PREP: variants seen among roughly 807,000 people sequenced by gnomAD.
PREP encodes dJ355L5.1 (prolyl endopeptidase).
A neutral mutation model predicts 87.6 loss-of-function variants in PREP; 29 were observed. The ratio of observed to expected loss-of-function variants is 0.33; its 90% CI spans 0.25 to 0.45. The LOEUF (loss-of-function observed/expected upper bound fraction) is 0.45. Ranked by LOEUF, PREP falls within the 20% of genes least tolerant of loss-of-function variation. The pLI is 1.00. For missense variants in PREP, 695 were observed against 886.5 expected (o/e 0.78, Z 2.74); for synonymous variants, 337 against 328.6 (o/e 1.03, Z -0.28).
At chr6:105,326,655 T>C (rs1330756216) in intron 9 of PREP, among the ~76,000 whole-genome samples, 2 of 152,228 alleles carry the variant, frequency 1.3e-5, no homozygotes, top group African/African-American at 4.8e-5. Context: ...TATGTGTATA[T>C]ACCCACACTG....
At chr6:105,379,792 T>A (rs182947623) in intron 2 of PREP, among the ~76,000 whole-genome samples, 2 of 152,262 alleles carry the variant, frequency 1.3e-5, no homozygotes, top group African/African-American at 4.8e-5. Flanking sequence ...AAGTGACAAG[T>A]CCAAGCTAAA....
At chr6:105,373,722 C>A (rs1438569615) in intron 4 of PREP, 144 bp from the exon 5 acceptor site, 2 of 849,644 alleles carry the variant, frequency 2.4e-6, no homozygotes, top group East Asian at 2.7e-5. Context: ...TGAGGAATCC[C>A]GGGGGCTCAG....
At chr6:105,362,179 G>A (rs1772266438) in intron 6 of PREP, among the ~76,000 whole-genome samples, 1 of 152,200 alleles carries the variant, frequency 6.6e-6, no homozygotes, top group South Asian at 2.1e-4. Context: ...CTACTGTTGG[G>A]GTTGGGTGTG....
chr6:105,320,103 T>C (rs993965976), intron 10 of PREP, among the ~76,000 whole-genome samples: 3 of 152,266 alleles, frequency 2.0e-5, no homozygotes, highest in Non-Finnish European at 4.4e-5. Context: ...TTTACAAATA[T>C]AATTTCTATG....
chr6:105,297,118 C>CA (rs1770426832), intron 10 of PREP, among the ~76,000 whole-genome samples: 1 of 152,204 alleles, frequency 6.6e-6, no homozygotes, highest in Non-Finnish European at 1.5e-5. Context: ...GGGCTAATAG[C>CA]AACACTCTCT....
intron 10 of PREP, among the ~76,000 whole-genome samples, chr6:105,316,015 G>T (rs1454554477): frequency 1.3e-5 from 2 of 152,174 alleles, no homozygotes; most frequent in Admixed American, 6.5e-5. Context: ...AGGCTGTTTT[G>T]CTTTCTTACC....
chr6:105,360,900 T>C (rs1450829073), intron 6 of PREP, among the ~76,000 whole-genome samples: 3 of 152,160 alleles, frequency 2.0e-5, no homozygotes, highest in Non-Finnish European at 2.9e-5. Flanking sequence ...GGTCATCGGC[T>C]CTACCACTGG....
At chr6:105,329,979 T>G (rs1771281668) in intron 8 of PREP, among the ~76,000 whole-genome samples, 1 of 151,990 alleles carries the variant, frequency 6.6e-6, no homozygotes, top group African/African-American at 2.4e-5. Flanking sequence ...GATAGGCCAC[T>G]CCTGGCATGA....
chr6:105,297,844 C>G (rs1160392754), intron 10 of PREP, among the ~76,000 whole-genome samples: 2 of 152,188 alleles, frequency 1.3e-5, no homozygotes, highest in African/African-American at 4.8e-5. Flanking sequence ...TTCACCTTAA[C>G]AGACTACAAG....
chr6:105,344,944 C>T (rs6936682), intron 7 of PREP, among the ~76,000 whole-genome samples: 15,901 of 152,196 alleles, frequency 0.1, 1,202 homozygotes, highest in African/African-American at 0.22. Context: ...TAAATACATA[C>T]TACAAGTCAT....
intron 7 of PREP, among the ~76,000 whole-genome samples, chr6:105,342,021 C>T (rs1771667892): frequency 6.6e-6 from 1 of 152,160 alleles, no homozygotes. Context: ...GGAATCCTCC[C>T]TAACTCATTT....
At chr6:105,373,654 GCT>G (rs1380038991) in intron 4 of PREP, 76 bp from the exon 5 acceptor site, 33 of 1,362,430 alleles carry the variant, frequency 2.4e-5, no homozygotes, top group Non-Finnish European at 3.3e-5. Context: ...ATCTAACAAA[GCT>G]CTCTTTCATA....
In PREP at chr6:105,373,443, C is replaced by T; in HGVS notation, c.521G>A (p.Ser174Asn). 6.2e-7 allele frequency: 1 copy of T among 1,614,220 alleles called. No homozygotes were observed. The highest frequency in any genetic ancestry group is 8.5e-7 in the Non-Finnish European group (1 of 1,180,032). Residue 174 changes from serine to asparagine, a missense_variant, in exon 5 of 15, where the codon AGC (serine) becomes AAC (asparagine). By Grantham distance (46) the Ser-to-Asn change is conservative (BLOSUM62 1). This residue lies in a region of PREP where 517 missense variants were observed against 620.3 expected (regional missense o/e 0.83). Transcript: ENST00000652536. The stretch of plus-strand genomic sequence containing the variant: ...CCCATCATGGGTCCAGGCCATACAG[C>T]TGAACTTGACTCTTTCAAGCACATC... ...LPDVLERVKF[S>N]CMAWTHDGKG...
intron 10 of PREP, among the ~76,000 whole-genome samples, chr6:105,319,583 G>A (rs1194445001): frequency 1.3e-5 from 2 of 152,194 alleles, no homozygotes; most frequent in Non-Finnish European, 2.9e-5. Context: ...GGCAACCATC[G>A]CACAGGGTAC....
At chr6:105,384,619 A>G (rs549655777) in intron 2 of PREP, among the ~76,000 whole-genome samples, 10 of 152,282 alleles carry the variant, frequency 6.6e-5, no homozygotes, top group South Asian at 6.2e-4. Flanking sequence ...AAGTCTTTCC[A>G]TCAATTCTAA....
At chr6:105,288,635 G>A in intron 11 of PREP, 123 bp downstream of exon 11, 3 of 1,279,568 alleles carry the variant, frequency 2.3e-6, no homozygotes, top group Non-Finnish European at 3.2e-6. Context: ...GGGATTATAG[G>A]TGTGAACCCC....
At chr6:105,344,060 A>C (rs192424251) in intron 7 of PREP, among the ~76,000 whole-genome samples, 72 of 152,370 alleles carry the variant, frequency 4.7e-4, no homozygotes, top group African/African-American at 1.6e-3. Flanking sequence ...TGCTATAAAG[A>C]CACATGCACA....
chr6:105,393,460 A>G (rs1248075535), intron 2 of PREP, among the ~76,000 whole-genome samples: 2 of 152,138 alleles, frequency 1.3e-5, no homozygotes, highest in Non-Finnish European at 2.9e-5. Flanking sequence ...CCATATTGCT[A>G]TTTTATAGCA....
chr6:105,396,629 C>T (rs775822033), intron 2 of PREP, among the ~76,000 whole-genome samples: 14 of 151,680 alleles, frequency 9.2e-5, no homozygotes, highest in East Asian at 3.9e-4. Context: ...AAGAAACAGG[C>T]GGAGTTAAGA....
Sources: gnomAD v4.1 joint callset for allele counts (sites outside exome capture counted in the v4.1 genomes callset) on GRCh38, gnomAD v4.1.1 for gene constraint, gnomAD v4.1.1 regional missense constraint, MANE v1.5 for transcripts, NCBI Gene and HGNC (gene_info 2026-07-23, HGNC 2026-07-21) for gene names.